The following KCTD8 variants were observed in gnomAD, a reference collection of about 807,000 sequenced individuals.
KCTD8 encodes BTB/POZ domain-containing protein KCTD8.
A neutral mutation model predicts 31.5 loss-of-function variants in KCTD8; 27 were observed. The observed-to-expected ratio is 0.86, with a 90% CI of 0.63 to 1.18. The LOEUF (loss-of-function observed/expected upper bound fraction) is 1.18. KCTD8 is among the 50% of genes most tolerant of loss of function. KCTD8 has a pLI of 0.00. For synonymous variants in KCTD8, 290 were observed against 280.0 expected (o/e 1.04, Z -0.36); for missense variants, 658 against 647.7 (o/e 1.02, Z -0.17).
Position 44,175,153 on chromosome 4 carries a change from ATTACAGGAAGTCCCACTTTCACTTCCT to A in KCTD8, c.1032_1058del (p.Lys344_Cys352del), listed in dbSNP as rs1424656713. 6.2e-7 allele frequency: 1 copy of A among 1,612,834 alleles called. No individual in the cohort carries two copies. ...TGTCACAACTGGAAGTGGAGAGCTC[ATTACAGGAAGTCCCACTTTCACTTCCT>A]TTATCAGTGACTTTGTCATGTTTCC... On this transcript the variant is annotated inframe_deletion, in exon 2 of 2. Coordinates refer to ENST00000360029, the MANE Select transcript of KCTD8 (RefSeq NM_198353.3).
intron 1 of KCTD8, among the ~76,000 whole-genome samples, chr4:44,201,528 A>G (rs925881372): frequency 2.0e-5 from 3 of 152,048 alleles, no homozygotes; most frequent in Non-Finnish European, 4.4e-5. Flanking sequence ...GATCTTACAC[A>G]AGGCCCACAA....
At chr4:44,290,754 T>A (rs1309955859) in intron 1 of KCTD8, among the ~76,000 whole-genome samples, 1 of 152,044 alleles carries the variant, frequency 6.6e-6, no homozygotes, top group Non-Finnish European at 1.5e-5. Flanking sequence ...AAAAATTCTA[T>A]GAAATTAAAA....
intron 1 of KCTD8, among the ~76,000 whole-genome samples, chr4:44,274,981 T>C (rs1219631256): frequency 1.3e-5 from 2 of 152,024 alleles, no homozygotes; most frequent in Admixed American, 6.6e-5. Flanking sequence ...AAGTCTTTTT[T>C]ACTACCCAGA....
intron 1 of KCTD8, among the ~76,000 whole-genome samples, chr4:44,345,224 A>C (rs1466025676): frequency 1.3e-5 from 2 of 152,170 alleles, no homozygotes; most frequent in African/African-American, 4.8e-5. Context: ...CATAGTAATT[A>C]TTTTTAACTT....
intron 1 of KCTD8, among the ~76,000 whole-genome samples, chr4:44,445,434 T>C (rs1348949360): frequency 6.6e-6 from 1 of 152,160 alleles, no homozygotes; most frequent in Non-Finnish European, 1.5e-5. Flanking sequence ...ATAATATGAG[T>C]ACTCTGAAAG....
intron 1 of KCTD8, among the ~76,000 whole-genome samples, chr4:44,406,095 C>T (rs1363746832): frequency 1.3e-5 from 2 of 152,060 alleles, no homozygotes; most frequent in African/African-American, 2.4e-5. Context: ...CCTGGACACC[C>T]TTTTCCTCTT....
At position 44,199,007 on chromosome 4, in the gene KCTD8, T is replaced by C. The variant is rs551134292; in HGVS notation, c.962-23757A>G. ...AAGAGCAGGAGTTGCTCATCTTATA[T>C]TGAATAAAACAGACTTTAAATCAAC... On this transcript the variant is annotated intron_variant, in intron 1 of 1. Transcript: ENST00000360029. Among the ~76,000 whole-genome samples the C allele has an allele frequency of 2.6e-5, 4 of 152,184 alleles. No individual in the cohort carries two copies. In the South Asian group the frequency reaches 6.2e-4, roughly 24 times the overall value.
chr4:44,230,177 T>G (rs1365241531), intron 1 of KCTD8, among the ~76,000 whole-genome samples: 2 of 152,216 alleles, frequency 1.3e-5, no homozygotes, highest in Non-Finnish European at 2.9e-5. Context: ...GCTGGTAACT[T>G]GGATACTTTC....
chr4:44,386,906 G>A (rs572661578), intron 1 of KCTD8, among the ~76,000 whole-genome samples: 10 of 151,554 alleles, frequency 6.6e-5, no homozygotes, highest in Non-Finnish European at 1.2e-4. Context: ...AGAAATAAAG[G>A]GCATTCAAAC....
At chr4:44,437,393 C>A (rs1370719399) in intron 1 of KCTD8, among the ~76,000 whole-genome samples, 1 of 152,116 alleles carries the variant, frequency 6.6e-6, no homozygotes, top group East Asian at 1.9e-4. Context: ...TACTACCACA[C>A]CTTCAATATC....
chr4:44,279,493 C>A (rs1014962168), intron 1 of KCTD8, among the ~76,000 whole-genome samples: 3 of 152,056 alleles, frequency 2.0e-5, no homozygotes, highest in African/African-American at 7.2e-5. Context: ...GAAAGATGTG[C>A]TCTTAAGTGC....
chr4:44,297,000 T>C (rs867518282), intron 1 of KCTD8, among the ~76,000 whole-genome samples: 1 of 152,118 alleles, frequency 6.6e-6, no homozygotes, highest in South Asian at 2.1e-4. Flanking sequence ...ATTAACACTC[T>C]ATATTTTAAA....
chr4:44,256,050 C>T (rs756252040), intron 1 of KCTD8, among the ~76,000 whole-genome samples: 32 of 151,906 alleles, frequency 2.1e-4, no homozygotes, highest in Admixed American at 4.6e-4. Flanking sequence ...AAAGCAAAGG[C>T]GCTTGTTACA....
intron 1 of KCTD8, among the ~76,000 whole-genome samples, chr4:44,360,207 G>T (rs1218321966): frequency 2.6e-5 from 4 of 151,884 alleles, no homozygotes; most frequent in Non-Finnish European, 5.9e-5. Context: ...TGAAAAGGCA[G>T]ATTACCCCAA....
chr4:44,193,939 A>C (rs1263244289), intron 1 of KCTD8, among the ~76,000 whole-genome samples: 1 of 152,230 alleles, frequency 6.6e-6, no homozygotes, highest in Non-Finnish European at 1.5e-5. Flanking sequence ...TAAATCCTAC[A>C]GTAAAATTTA....
chr4:44,207,822 G>A (rs746169826), intron 1 of KCTD8, among the ~76,000 whole-genome samples: 1 of 152,164 alleles, frequency 6.6e-6, no homozygotes, highest in African/African-American at 2.4e-5. Context: ...TTTCTCTATG[G>A]GAAGCCTAAG....
intron 1 of KCTD8, among the ~76,000 whole-genome samples, chr4:44,419,208 G>A (rs1477081282): frequency 6.6e-6 from 1 of 152,134 alleles, no homozygotes; most frequent in Non-Finnish European, 1.5e-5. Context: ...TGAAGTAAAG[G>A]TGGGTGCATT....
At chr4:44,351,506 C>A (rs911322058) in intron 1 of KCTD8, among the ~76,000 whole-genome samples, 1 of 152,038 alleles carries the variant, frequency 6.6e-6, no homozygotes, top group Non-Finnish European at 1.5e-5. Flanking sequence ...TTATCTTTGT[C>A]ATTGGTTTTT....
At chr4:44,205,545 T>C (rs1714279751) in intron 1 of KCTD8, among the ~76,000 whole-genome samples, 1 of 151,920 alleles carries the variant, frequency 6.6e-6, no homozygotes, top group Non-Finnish European at 1.5e-5. Context: ...TTCTCTAAAA[T>C]AATTTTTTTG....
Sources: allele counts gnomAD v4.1 joint callset (sites outside exome capture counted in the v4.1 genomes callset), GRCh38; gene constraint gnomAD v4.1.1; transcripts MANE v1.5; gene names NCBI Gene and HGNC (gene_info 2026-07-23, HGNC 2026-07-21).